The following EYA4 variants were observed in gnomAD, a reference collection of about 807,000 sequenced individuals.
The protein encoded by EYA4 is protein phosphatase EYA4.
A neutral mutation model predicts 87.9 loss-of-function variants in EYA4; 31 were observed. That is an observed-to-expected ratio of 0.35 (90% CI 0.27 to 0.48). The LOEUF is 0.48. Among genes scored for constraint, EYA4 ranks in the 20% least tolerant of loss-of-function variants. EYA4 has a pLI of 0.99. For synonymous variants in EYA4, 263 were observed against 270.6 expected, an observed-to-expected ratio of 0.97 and a Z score of 0.28; for missense variants, 678 against 761.4, an observed-to-expected ratio of 0.89 and a Z score of 1.29.
At chr6:133,270,816 G>C (rs1776627627) in intron 1 of EYA4, among the ~76,000 whole-genome samples, 1 of 152,134 alleles carries the variant, frequency 6.6e-6, no homozygotes, top group Non-Finnish European at 1.5e-5. Context: ...CCTCCGTTGT[G>C]GAGTAATAGA....
At chr6:133,334,482 A>C (rs1256398868) in intron 2 of EYA4, among the ~76,000 whole-genome samples, 1 of 152,140 alleles carries the variant, frequency 6.6e-6, no homozygotes, top group African/African-American at 2.4e-5. Flanking sequence ...TTCTTGAGGG[A>C]TATCTGGAAA....
intron 2 of EYA4, among the ~76,000 whole-genome samples, chr6:133,378,577 G>A (rs1307638050): frequency 6.6e-6 from 1 of 151,968 alleles, no homozygotes; most frequent in East Asian, 1.9e-4. Flanking sequence ...GTTGAAATTT[G>A]CTACATAACT....
chr6:133,323,939 C>T (rs1278717928), intron 2 of EYA4, among the ~76,000 whole-genome samples: 2 of 152,088 alleles, frequency 1.3e-5, no homozygotes, highest in African/African-American at 2.4e-5. Context: ...TGGGTGGTCA[C>T]TCTTATTTCT....
intron 3 of EYA4, among the ~76,000 whole-genome samples, chr6:133,404,844 T>G (rs567805447): frequency 2.0e-5 from 3 of 152,326 alleles, no homozygotes; most frequent in Non-Finnish European, 4.4e-5. Context: ...CTAGTCTCCT[T>G]GGCTCTTCGC....
intron 6 of EYA4, among the ~76,000 whole-genome samples, chr6:133,458,338 G>A (rs538659904): frequency 3.9e-5 from 6 of 152,048 alleles, no homozygotes; most frequent in Admixed American, 1.3e-4. Flanking sequence ...ACGACTAGAG[G>A]CGTTAAGTTC....
chr6:133,372,780 A>T (rs534415236), intron 2 of EYA4, among the ~76,000 whole-genome samples: 1 of 151,758 alleles, frequency 6.6e-6, no homozygotes, highest in South Asian at 2.1e-4. Flanking sequence ...TAATCTACAG[A>T]TATATAGAGA....
intron 19 of EYA4, chr6:133,525,929 T>G (rs1052691828): frequency 7.3e-5 from 72 of 985,260 alleles, no homozygotes; most frequent in Non-Finnish European, 8.4e-5. Flanking sequence ...TAGAAGAGTT[T>G]CATCTGTTTT....
chr6:133,385,428 T>C (rs1562358743), intron 3 of EYA4, among the ~76,000 whole-genome samples: 3 of 146,968 alleles, frequency 2.0e-5, no homozygotes, highest in African/African-American at 7.7e-5. Context: ...TGTGTGTGTG[T>C]GTGTGTGTGT....
At chr6:133,469,444 C>T (rs773220765) in intron 11 of EYA4, among the ~76,000 whole-genome samples, 3 of 151,884 alleles carry the variant, frequency 2.0e-5, no homozygotes, top group Non-Finnish European at 2.9e-5. Flanking sequence ...ACTCAGATTA[C>T]CTGATTTAAA....
At chr6:133,348,261 G>GTTTTTTT (rs35905853) in intron 2 of EYA4, among the ~76,000 whole-genome samples, 1 of 68,782 alleles carries the variant, frequency 1.5e-5, no homozygotes, top group African/African-American at 6.4e-5. Context: ...TCTTCAAGTA[G>GTTTTTTT]TTTTTTTTTT....
At chr6:133,294,522 C>T (rs1383540011) in intron 2 of EYA4, among the ~76,000 whole-genome samples, 2 of 151,664 alleles carry the variant, frequency 1.3e-5, no homozygotes, top group Non-Finnish European at 2.9e-5. Flanking sequence ...TGCTCAGTCT[C>T]TTGCCCTTTG....
At chr6:133,330,675 G>T (rs1781872228) in intron 2 of EYA4, among the ~76,000 whole-genome samples, 1 of 151,664 alleles carries the variant, frequency 6.6e-6, no homozygotes, top group Admixed American at 6.6e-5. Context: ...GTAATTTTTG[G>T]AGTGGCACAG....
chr6:133,448,103 G>C lies in EYA4; in HGVS notation c.209-8G>C. 6.2e-7 allele frequency: 1 copy of C among 1,609,872 alleles called. No homozygotes were observed. Among genetic ancestry groups the C allele is most frequent in the South Asian group, 1.1e-5 (1 of 91,004 alleles). On this transcript the variant is annotated splice_polypyrimidine_tract_variant and splice_region_variant and intron_variant, in intron 4 of 19. Transcript: ENST00000355286. ...GACAATGAACTTTTATACTGTTCCT[G>C]TTCTCAGGGGAAAACATGACTGTTT...
chr6:133,345,879 A>T (rs759381378), intron 2 of EYA4, among the ~76,000 whole-genome samples: 1 of 152,246 alleles, frequency 6.6e-6, no homozygotes, highest in Non-Finnish European at 1.5e-5. Context: ...AGTGCTTAAG[A>T]GAAGGTAAGG....
intron 11 of EYA4, among the ~76,000 whole-genome samples, chr6:133,476,899 A>G (rs1562465532): frequency 1.3e-5 from 2 of 152,070 alleles, no homozygotes; most frequent in Non-Finnish European, 2.9e-5. Flanking sequence ...CCTAATGCCC[A>G]TGTGTCAAGG....
chr6:133,328,717 A>AC (rs1234571572), intron 2 of EYA4, among the ~76,000 whole-genome samples: 3 of 151,944 alleles, frequency 2.0e-5, no homozygotes, highest in African/African-American at 7.2e-5. Context: ...AAACAAACAA[A>AC]AAAACCAGAC....
chr6:133,274,877 A>G (rs1297593185), intron 2 of EYA4, 64 bp downstream of exon 2: 1 of 1,178,728 alleles, frequency 8.5e-7, no homozygotes, highest in Non-Finnish European at 1.3e-6. Flanking sequence ...ATCATACGTA[A>G]AAGAGATATA....
chr6:133,273,026 A>G (rs768000021), intron 1 of EYA4, among the ~76,000 whole-genome samples: 22 of 150,384 alleles, frequency 1.5e-4, no homozygotes, highest in Middle Eastern at 3.5e-3. Context: ...CTCATTAGAC[A>G]CCCCACTCTT....
At chr6:133,293,146 C>A (rs1235616931) in intron 2 of EYA4, among the ~76,000 whole-genome samples, 1 of 152,094 alleles carries the variant, frequency 6.6e-6, no homozygotes, top group Non-Finnish European at 1.5e-5. Context: ...ATCCTCAATT[C>A]CTCCTACTTC....
Sources: allele counts gnomAD v4.1 joint callset (sites outside exome capture counted in the v4.1 genomes callset), GRCh38; gene constraint gnomAD v4.1.1; transcripts MANE v1.5; gene names NCBI Gene and HGNC (gene_info 2026-07-23, HGNC 2026-07-21).